SYNE1: variants seen among roughly 807,000 people sequenced by gnomAD.
SYNE1 encodes nesprin-1.
In SYNE1, 616 loss-of-function variants were observed where a neutral mutation model predicts 1,111.0. The observed-to-expected ratio is 0.55, with a 90% CI of 0.52 to 0.59. The LOEUF (loss-of-function observed/expected upper bound fraction) is 0.59. SYNE1 is among the 20% of genes least tolerant of loss of function. SYNE1 has a pLI of 0.00. For synonymous variants in SYNE1, 3,855 were observed against 3,825.8 expected, an observed-to-expected ratio of 1.01 and a Z score of -0.28; for missense variants, 10,006 against 10,417.0, an observed-to-expected ratio of 0.96 and a Z score of 1.72.
chr6:152,257,960 A>G (rs4869759), intron 101 of SYNE1, among the ~76,000 whole-genome samples: 88,602 of 151,988 alleles, frequency 0.58, 26,217 homozygotes, highest in East Asian at 0.75. Flanking sequence ...CTCAACATCA[A>G]ACATAGCCTA....
At chr6:152,354,997 C>T (rs1299068296) in intron 66 of SYNE1, 21 bp from the exon 67 acceptor site, 1 of 1,611,760 alleles carries the variant, frequency 6.2e-7, no homozygotes, top group African/African-American at 1.3e-5. Flanking sequence ...AAAGGTATGG[C>T]TGTCACTCTC....
rs1392624319 is a variant in SYNE1, at chr6:152,262,095, A to G, written c.18909T>C (p.His6303=). The change falls in exon 101 of 146, where the codon CAT becomes CAC. Residue 6303 remains histidine (H), a synonymous_variant. Coordinates refer to ENST00000367255, the MANE Select transcript of SYNE1 (RefSeq NM_182961.4). Reference sequence around the variant, plus strand: ...GTTTCTGCTTGGTACTAAATTCTTGATGTAGGCTTTCCCATTTCATTCTCA... The same window carrying G: ...GTTTCTGCTTGGTACTAAATTCTTGGTGTAGGCTTTCCCATTTCATTCTCA... ...DQMRMKWESL[H]QEFSTKQKLL... 2 of 1,613,850 alleles carry G rather than the reference A, an allele frequency of 1.2e-6. No homozygotes were observed. The highest frequency in any genetic ancestry group is 2.2e-5 in the South Asian group (2 of 91,072).
chr6:152,220,815 G>A (rs1224773155), intron 119 of SYNE1, 27 bp downstream of exon 119: 8 of 1,606,606 alleles, frequency 5.0e-6, no homozygotes, highest in African/African-American at 1.3e-5. Flanking sequence ...GGGCATGTGG[G>A]GAAAACAAGG....
chr6:152,589,803 T>C (rs1468949161), intron 3 of SYNE1, among the ~76,000 whole-genome samples: 1 of 152,160 alleles, frequency 6.6e-6, no homozygotes, highest in African/African-American at 2.4e-5. Flanking sequence ...AAACCTTAGC[T>C]GGATCCATTT....
At chr6:152,543,753 C>G (rs1037437391) in intron 3 of SYNE1, among the ~76,000 whole-genome samples, 1 of 152,144 alleles carries the variant, frequency 6.6e-6, no homozygotes, top group Non-Finnish European at 1.5e-5. Context: ...TGTAGGGCAA[C>G]CCATTGCTTT....
At chr6:152,404,594 C>T (rs577881627) in intron 45 of SYNE1, among the ~76,000 whole-genome samples, 10 of 152,050 alleles carry the variant, frequency 6.6e-5, no homozygotes, top group Admixed American at 2.0e-4. Context: ...AAACACTGAC[C>T]CAAAGTCTTG....
chr6:152,276,337 C>T (rs2093627076), intron 98 of SYNE1, among the ~76,000 whole-genome samples: 1 of 152,068 alleles, frequency 6.6e-6, no homozygotes, highest in South Asian at 2.1e-4. Flanking sequence ...GCTCGGCTGA[C>T]TTCATTTTTT....
intron 53 of SYNE1, 33 bp downstream of exon 53, chr6:152,390,247 G>T (rs2097586733): frequency 1.2e-6 from 2 of 1,612,368 alleles, no homozygotes; most frequent in South Asian, 2.2e-5. Context: ...CACTGCATTG[G>T]ACTTAAACAA....
At chr6:152,323,257 T>A (rs1456280443) in intron 82 of SYNE1, among the ~76,000 whole-genome samples, 1 of 151,988 alleles carries the variant, frequency 6.6e-6, no homozygotes, top group African/African-American at 2.4e-5. Context: ...AAGACCACGG[T>A]GAAACCCCGT....
intron 29 of SYNE1, among the ~76,000 whole-genome samples, chr6:152,445,540 T>G (rs978764151): frequency 3.9e-5 from 6 of 152,080 alleles, no homozygotes; most frequent in Admixed American, 6.5e-5. Context: ...TCTTCTTTTA[T>G]CCTATCTTTT....
At chr6:152,144,362 C>T (rs751324229) in intron 137 of SYNE1, 137 of 157,584 alleles carry the variant, frequency 8.7e-4, no homozygotes, top group Non-Finnish European at 1.6e-3. Flanking sequence ...AGATCTGAAA[C>T]AAAACCAGGA....
chr6:152,455,555 A>C lies in SYNE1; in HGVS notation c.2763T>G (p.His921Gln), dbSNP rs772853190. The change falls in exon 24 of 146, where the codon CAT (histidine) becomes CAG (glutamine). Residue 921 changes from histidine (H) to glutamine (Q), a missense_variant. Around this residue, in one of 7 missense-constraint regions of SYNE1, gnomAD observed 1,971 missense variants for 2,084.1 expected, o/e 0.95. Transcript: ENST00000367255. ...MVKKTGDWKKHVETNSRLMKK... is the reference protein window; with the variant it reads ...MVKKTGDWKKQVETNSRLMKK... ...TCATCAAGCGACTGTTGGTTTCCACATGCTTCTTCCAATCTCCAGTTTTCT... is the reference window on the plus strand; with the variant it reads ...TCATCAAGCGACTGTTGGTTTCCACCTGCTTCTTCCAATCTCCAGTTTTCT... 3 of 1,614,104 alleles carry C rather than the reference A, an allele frequency of 1.9e-6. No individual in the cohort carries two copies. The highest frequency in any genetic ancestry group is 8.5e-7 in the Non-Finnish European group (1 of 1,180,014).
intron 3 of SYNE1, among the ~76,000 whole-genome samples, chr6:152,620,643 C>A (rs946333814): frequency 6.6e-6 from 1 of 152,074 alleles, no homozygotes; most frequent in African/African-American, 2.4e-5. Flanking sequence ...GTCTTACCTT[C>A]AAAATATATC....
Position 152,428,309 on chromosome 6 carries a change from G to A in SYNE1, c.4872C>T (p.Ser1624=), listed in dbSNP as rs1344625770. 5.0e-6 allele frequency: 8 copies of A among 1,614,032 alleles called. No homozygotes were observed. The Admixed American group carries it at 1.2e-4, about 24-fold the overall frequency. ...ASARKVVNRD[S]CVQEAAALQQ... ...GTAGAGCCGCAGCCTCCTGAACACA[G>A]GAATCTCTGTTCACAACCTTCCTGG... The change falls in exon 37 of 146, where the codon TCC becomes TCT. Residue 1624 remains serine, a synonymous_variant. Transcript: ENST00000367255.
At chr6:152,152,540 G>A (rs1280842005) in intron 133 of SYNE1, among the ~76,000 whole-genome samples, 1 of 152,146 alleles carries the variant, frequency 6.6e-6, no homozygotes, top group Non-Finnish European at 1.5e-5. Context: ...AGTTTGAAAT[G>A]TTGACAACTT....
At chr6:152,434,379 A>C (rs1198480910) in intron 33 of SYNE1, 1 of 171,248 alleles carries the variant, frequency 5.8e-6, no homozygotes, top group Non-Finnish European at 1.3e-5. Flanking sequence ...CACTGCAGTG[A>C]TGCTTTCTAT....
chr6:152,355,864 T>G (rs772871386), intron 66 of SYNE1, among the ~76,000 whole-genome samples: 2 of 152,146 alleles, frequency 1.3e-5, no homozygotes, highest in Non-Finnish European at 2.9e-5. Flanking sequence ...TGCTAAAATA[T>G]TTTTCTTACA....
At chr6:152,584,251 GGA>G (rs373173920) in intron 3 of SYNE1, among the ~76,000 whole-genome samples, 7 of 150,306 alleles carry the variant, frequency 4.7e-5, no homozygotes, top group Non-Finnish European at 7.4e-5. Flanking sequence ...CAATAAATAT[GGA>G]GAGAGAGAGA....
intron 129 of SYNE1, among the ~76,000 whole-genome samples, chr6:152,179,657 T>G (rs2067392744): frequency 6.7e-6 from 1 of 149,856 alleles, no homozygotes; most frequent in African/African-American, 2.4e-5. Context: ...TGCAAGTTTA[T>G]TTTATGCTGG....
Sources: allele counts gnomAD v4.1 joint callset (sites outside exome capture counted in the v4.1 genomes callset), GRCh38; gene constraint gnomAD v4.1.1; regional missense constraint gnomAD v4.1.1; transcripts MANE v1.5; gene names NCBI Gene and HGNC (gene_info 2026-07-23, HGNC 2026-07-21).